The following SBDS variants were observed in gnomAD, a reference collection of about 807,000 sequenced individuals.
SBDS encodes the protein ribosome maturation protein SBDS.
A neutral mutation model predicts 26.4 loss-of-function variants in SBDS; 20 were observed. The ratio of observed to expected loss-of-function variants is 0.76; its 90% CI spans 0.53 to 1.10. The LOEUF is 1.10. Among genes scored for constraint, SBDS ranks in the 50% least tolerant of loss-of-function variants. The pLI, the probability that SBDS is intolerant of heterozygous loss-of-function variation, is 0.00. For synonymous variants in SBDS, 95 were observed against 105.1 expected, an observed-to-expected ratio of 0.90 and a Z score of 0.59; for missense variants, 241 against 302.0, an observed-to-expected ratio of 0.80 and a Z score of 1.50.
At position 66,987,776 on chromosome 7, in the gene SBDS, T is replaced by C. The variant is rs1792898791; in HGVS notation, c.*595A>G. 2 of 178,210 alleles carry C rather than the reference T, an allele frequency of 1.1e-5. No homozygotes were observed. The highest frequency in any genetic ancestry group is 4.7e-5 in the African/African-American group (2 of 42,264). The allele number at this position is 178,210 out of a possible 1,614,324, so 11.0% of individuals were successfully genotyped here. A position where few individuals can be genotyped will look rare whatever the true frequency, so the allele number is the denominator to read the frequency against. ...TAATATATATTATAAACTTTAAGAATTAGAAATAAGTGACTTTTATTTTTT... is the reference window on the plus strand; with the variant it reads ...TAATATATATTATAAACTTTAAGAACTAGAAATAAGTGACTTTTATTTTTT... On this transcript the variant is annotated 3_prime_UTR_variant, in exon 5 of 5. Transcript: ENST00000246868.
At chr7:66,990,760 T>C (rs1792959483) in intron 4 of SBDS, among the ~76,000 whole-genome samples, 1 of 152,188 alleles carries the variant, frequency 6.6e-6, no homozygotes, top group African/African-American at 2.4e-5. Flanking sequence ...CTCACGCCTG[T>C]AATCCCTGCA....
chr7:66,989,157 G>T (rs1792924558), intron 4 of SBDS, among the ~76,000 whole-genome samples: 1 of 151,904 alleles, frequency 6.6e-6, no homozygotes, highest in Non-Finnish European at 1.5e-5. Context: ...GTTTTGCAAA[G>T]ATTTTAGAAC....
At chr7:66,989,237 C>G (rs1375975498) in intron 4 of SBDS, among the ~76,000 whole-genome samples, 1 of 133,078 alleles carries the variant, frequency 7.5e-6, no homozygotes, top group African/African-American at 2.7e-5. Flanking sequence ...TTCTCTACAG[C>G]TCATTTACTT....
At chr7:66,989,191 G>C (rs1792925130) in intron 4 of SBDS, among the ~76,000 whole-genome samples, 1 of 150,506 alleles carries the variant, frequency 6.6e-6, no homozygotes, top group Admixed American at 6.7e-5. Flanking sequence ...AGATGAGTTA[G>C]TTCACATCTA....
chr7:66,995,361 C>CCGTA lies in SBDS; in HGVS notation c.53_56dup (p.Met20ThrfsTer31), dbSNP rs1490467134. On this transcript the variant is annotated frameshift_variant, in exon 1 of 5. Coordinates refer to ENST00000246868, the MANE Select transcript of SBDS (RefSeq NM_016038.4). LOFTEE classifies it high-confidence loss of function. ...CGAAGCGCTTCCCGGCACGCTTCAT[C>CCGTA]CGTACCACGGCCACATTGGTTAGGC... is the stretch of plus-strand genomic sequence containing the variant. The CCGTA allele has an allele frequency of 6.2e-7, 1 of 1,614,056 alleles. No individual in the cohort carries two copies. The highest frequency in any genetic ancestry group is 8.5e-7 in the Non-Finnish European group (1 of 1,180,024).
rs1184448214 is a variant in SBDS at position 66,993,230 on chromosome 7, C to G, written c.446G>C (p.Ser149Thr). 1 of 1,613,866 alleles carries G rather than the reference C, an allele frequency of 6.2e-7. No homozygotes were observed. The highest frequency in any genetic ancestry group is 8.5e-7 in the Non-Finnish European group (1 of 1,179,936). The stretch of plus-strand genomic sequence containing the variant: ...GAAACCACTCACCTGCTGTTTTGTA[C>G]TCTTGTTGGTTTTCACCGAATAGTG... Reference protein sequence around the residue: ...DIHYSVKTNKSTKQQALEVIK... With the variant: ...DIHYSVKTNKTTKQQALEVIK... The change falls in exon 3 of 5, where the codon AGT (serine) becomes ACT (threonine). Residue 149 changes from serine to threonine, a missense_variant. Physicochemically the swap from Ser to Thr is moderately conservative, Grantham distance 58. Coordinates refer to ENST00000246868, the MANE Select transcript of SBDS (RefSeq NM_016038.4).
intron 2 of SBDS, among the ~76,000 whole-genome samples, chr7:66,993,665 G>T (rs1165526206): frequency 3.3e-5 from 5 of 152,018 alleles, no homozygotes; most frequent in Non-Finnish European, 5.9e-5. Flanking sequence ...CCCAAGGTCA[G>T]GAGTTTGAGA....
chr7:66,988,405 T>C lies in SBDS; in HGVS notation c.719A>G (p.Lys240Arg), dbSNP rs377761960. The change falls in exon 5 of 5, where the codon AAA becomes AGA. Residue 240 changes from lysine to arginine, a missense_variant. Lys to Arg is a conservative substitution (Grantham distance 26). Coordinates refer to ENST00000246868, the MANE Select transcript of SBDS (RefSeq NM_016038.4). ...TTTCTCATCTCCTTCTTCTACATCT[T>C]TCAGATTGAGTACTTCCAAAGAACC... ...GKGSLEVLNL[K>R]DVEEGDEKFE The C allele has an allele frequency of 1.2e-5, 20 of 1,613,726 alleles. No homozygotes were observed. Among genetic ancestry groups the C allele is most frequent in the Admixed American group, 5.0e-5 (3 of 59,982 alleles).
At position 66,993,433 on chromosome 7, in the gene SBDS, C is replaced by G. The variant is rs1169458925; in HGVS notation, c.259-16G>C. 2.5e-6 allele frequency: 4 copies of G among 1,597,086 alleles called. No homozygotes were observed. Among genetic ancestry groups the G allele is most frequent in the Non-Finnish European group, 1.7e-6 (2 of 1,164,976 alleles). ...TAGTCAAAATCTAAAAAAATGCCAA[C>G]ACATTTAAGAAATCACTATCTTTCT... is the stretch of plus-strand genomic sequence containing the variant. On this transcript the variant is annotated splice_polypyrimidine_tract_variant and intron_variant, in intron 2 of 4. Coordinates refer to ENST00000246868, the MANE Select transcript of SBDS (RefSeq NM_016038.4).
At position 66,995,443 on chromosome 7, in the gene SBDS, C is replaced by A; in HGVS notation, c.-26G>T. 6.2e-7 allele frequency: 1 copy of A among 1,612,890 alleles called. No homozygotes were observed. The highest frequency in any genetic ancestry group is 8.5e-7 in the Non-Finnish European group (1 of 1,179,960). On this transcript the variant is annotated 5_prime_UTR_variant, in exon 1 of 5. Coordinates refer to ENST00000246868, the MANE Select transcript of SBDS (RefSeq NM_016038.4). ...CGCGGCTGTTCAAAGACCCAGAAGC[C>A]GGCGAACCAGGGCTGACCCGCGCCG...
intron 4 of SBDS, among the ~76,000 whole-genome samples, chr7:66,988,919 G>A (rs558712348): frequency 2.6e-5 from 4 of 152,062 alleles, no homozygotes; most frequent in South Asian, 2.1e-4. Flanking sequence ...TTTTGAGATA[G>A]AGTGCAGTGG....
rs530360677 is a variant in SBDS at position 66,990,888 on chromosome 7, G to A, written c.624+249C>T. On this transcript the variant is annotated intron_variant, in intron 4 of 4. Coordinates refer to ENST00000246868, the MANE Select transcript of SBDS (RefSeq NM_016038.4). ...AAAAATTAGCCAGGCTTGGTGGCGGGTGCCTGTAGTCCCAGCTACACAGGA... is the reference window on the plus strand; with the variant it reads ...AAAAATTAGCCAGGCTTGGTGGCGGATGCCTGTAGTCCCAGCTACACAGGA... Among the ~76,000 whole-genome samples, 139 of 152,082 alleles carry A rather than the reference G, an allele frequency of 9.1e-4. 1 individual carries two copies. Among genetic ancestry groups the A allele is most frequent in the Admixed American group, 4.1e-3 (62 of 15,238 alleles).
Position 66,995,568 on chromosome 7 carries a change from C to T in SBDS, c.-151G>A, listed in dbSNP as rs988703244. On this transcript the variant is annotated 5_prime_UTR_variant, in exon 1 of 5. Transcript: ENST00000246868. ...GGCGCCGCGACTCACTAGCTTCAGG[C>T]AGCCGTCACAGTGTGTCTGGCAGGC... 7 of 1,108,178 alleles carry T rather than the reference C, an allele frequency of 6.3e-6. No individual in the cohort carries two copies. In the East Asian group the frequency reaches 1.3e-4, roughly 20 times the overall value. The allele number at this position is 1,108,178 out of a possible 1,614,324, so 68.6% of individuals were successfully genotyped here. A position where few individuals can be genotyped will look rare whatever the true frequency, so the allele number is the denominator to read the frequency against.
In SBDS at chr7:66,994,428, T is replaced by C. The variant is rs111331532; in HGVS notation, c.129-87A>G. 8.1e-4 allele frequency: 963 copies of C among 1,193,614 alleles called. 9 individuals are homozygous for C. The African/African-American group carries it at 0.011, about 14-fold the overall frequency. 73.9% of individuals were successfully genotyped at this position (1,193,614 alleles called of 1,614,324 possible). A position where few individuals can be genotyped will look rare whatever the true frequency, so the allele number is the denominator to read the frequency against. On this transcript the variant is annotated intron_variant, in intron 1 of 4. Transcript: ENST00000246868. ...ATTTAAATACGAGATGGCAACAACA[T>C]GAACGGCAAGACACAACAAATCCCC...
chr7:66,988,451 T>G lies in SBDS; in HGVS notation c.673A>C (p.Lys225Gln). ...GAACCTTTGCCTTTAGTTTCCTTTT[T>G]TATTAGCTCATCAATTTCTCGGAAG... is the stretch of plus-strand genomic sequence containing the variant. The part of the protein sequence containing the change: ...GCFREIDELI[K>Q]KETKGKGSLE... The change falls in exon 5 of 5, where the codon AAA (lysine) becomes CAA (glutamine). Residue 225 changes from lysine to glutamine, a missense_variant. Transcript: ENST00000246868. 3 of 1,613,970 alleles carry G rather than the reference T, an allele frequency of 1.9e-6. No individual in the cohort carries two copies. The highest frequency in any genetic ancestry group is 2.5e-6 in the Non-Finnish European group (3 of 1,180,010).
chr7:66,992,912 C>A (rs1374301843), intron 3 of SBDS, among the ~76,000 whole-genome samples: 2 of 151,124 alleles, frequency 1.3e-5, no homozygotes, highest in Admixed American at 1.3e-4. Flanking sequence ...GAGGCTGAGG[C>A]AGGAGACTTG....
chr7:66,994,892 C>T (rs1418610964), intron 1 of SBDS, among the ~76,000 whole-genome samples: 1 of 152,198 alleles, frequency 6.6e-6, no homozygotes. Flanking sequence ...TAGATGGCAG[C>T]AGTGAAGACA....
In SBDS at chr7:66,995,371, G is replaced by A; in HGVS notation, c.47C>T (p.Ala16Val). 6.2e-7 allele frequency: 1 copy of A among 1,614,138 alleles called. No individual in the cohort carries two copies. Among genetic ancestry groups the A allele is most frequent in the Non-Finnish European group, 8.5e-7 (1 of 1,180,020 alleles). The stretch of plus-strand genomic sequence containing the variant: ...CCCGGCACGCTTCATCCGTACCACG[G>A]CCACATTGGTTAGGCGGATCTGGTT... ...PTNQIRLTNV[A>V]VVRMKRAGKR... Residue 16 changes from alanine (A) to valine (V), a missense_variant, in exon 1 of 5, where the codon GCC becomes GTC. Physicochemically the swap from Ala to Val is moderately conservative, Grantham distance 64. Coordinates refer to ENST00000246868, the MANE Select transcript of SBDS (RefSeq NM_016038.4).
intron 4 of SBDS, among the ~76,000 whole-genome samples, chr7:66,989,155 A>G (rs970021283): frequency 6.6e-5 from 10 of 152,066 alleles, no homozygotes; most frequent in African/African-American, 2.4e-4. Context: ...CAGTTTTGCA[A>G]AGATTTTAGA....
Sources: allele counts gnomAD v4.1 joint callset (sites outside exome capture counted in the v4.1 genomes callset), GRCh38; gene constraint gnomAD v4.1.1; transcripts MANE v1.5; gene names NCBI Gene and HGNC (gene_info 2026-07-23, HGNC 2026-07-21).